The following THSD7B variants were observed in gnomAD, a reference collection of about 807,000 sequenced individuals.
The protein encoded by THSD7B is thrombospondin type 1 domain containing 7B.
Under a neutral mutation model 213.6 loss-of-function variants are expected in THSD7B, and 138 were observed. The observed-to-expected ratio is 0.65, with a 90% CI of 0.56 to 0.74. The LOEUF (loss-of-function observed/expected upper bound fraction) is 0.74, where lower values mean the gene tolerates loss of function less well. Ranked by LOEUF, THSD7B falls within the 30% of genes least tolerant of loss-of-function variation. THSD7B has a pLI of 0.00. For synonymous variants in THSD7B, 742 were observed against 687.0 expected, an observed-to-expected ratio of 1.08 and a Z score of -1.25; for missense variants, 1,931 against 1,991.5, an observed-to-expected ratio of 0.97 and a Z score of 0.58.
intron 17 of THSD7B, among the ~76,000 whole-genome samples, chr2:137,575,742 A>ATATATATATATATATATATATT (rs1235744133): frequency 0.016 from 2,393 of 146,926 alleles, 52 homozygotes; most frequent in South Asian, 0.041. Flanking sequence ...ATATATATAT[A>ATATATATATATATATATATATT]TTTTTACTTT....
chr2:137,022,211 T>C (rs1686457582), intron 2 of THSD7B, among the ~76,000 whole-genome samples: 1 of 152,166 alleles, frequency 6.6e-6, no homozygotes, highest in Non-Finnish European at 1.5e-5. Context: ...TGCCCAAGGG[T>C]GCAATTAGTG....
At chr2:137,379,238 A>G (rs960568346) in intron 12 of THSD7B, among the ~76,000 whole-genome samples, 1 of 152,322 alleles carries the variant, frequency 6.6e-6, no homozygotes, top group East Asian at 1.9e-4. Context: ...TGAGGCAACA[A>G]TAATTGGAGA....
chr2:137,055,561 T>C (rs1687147985), intron 2 of THSD7B, among the ~76,000 whole-genome samples: 1 of 152,152 alleles, frequency 6.6e-6, no homozygotes, highest in African/African-American at 2.4e-5. Flanking sequence ...ATGCAAAAAA[T>C]ATGATAAACG....
chr2:136,778,751 G>A (rs1174192784), intron 1 of THSD7B, among the ~76,000 whole-genome samples: 1 of 152,070 alleles, frequency 6.6e-6, no homozygotes, highest in Admixed American at 6.6e-5. Flanking sequence ...AAGTTCAAGA[G>A]ATAGAAGAGA....
intron 17 of THSD7B, among the ~76,000 whole-genome samples, chr2:137,604,377 T>G (rs1682133413): frequency 6.6e-6 from 1 of 152,204 alleles, no homozygotes; most frequent in Non-Finnish European, 1.5e-5. Context: ...CTTTTAGTAT[T>G]AAACTACTCT....
chr2:137,048,241 CAAT>C (rs1363880708), intron 2 of THSD7B, among the ~76,000 whole-genome samples: 1 of 152,012 alleles, frequency 6.6e-6, no homozygotes, highest in African/African-American at 2.4e-5. Context: ...TACTCAGTTA[CAAT>C]GTTACTGCTA....
chr2:137,669,610 A>G (rs1412940233), intron 27 of THSD7B, among the ~76,000 whole-genome samples: 4 of 152,206 alleles, frequency 2.6e-5, no homozygotes, highest in African/African-American at 9.6e-5. Flanking sequence ...ATTGCAGCAA[A>G]GGACACGAAG....
intron 15 of THSD7B, among the ~76,000 whole-genome samples, chr2:137,534,558 C>T (rs967667086): frequency 7.9e-5 from 12 of 151,566 alleles, no homozygotes; most frequent in Non-Finnish European, 1.5e-4. Context: ...GTATATAATA[C>T]TCAATTCATT....
chr2:136,780,391 C>CTGT, intron 1 of THSD7B, among the ~76,000 whole-genome samples: 1 of 152,312 alleles, frequency 6.6e-6, no homozygotes, highest in East Asian at 1.9e-4. Context: ...ACTCCAAATA[C>CTGT]TGTTACCTTG....
chr2:136,975,333 T>G (rs986908028), intron 2 of THSD7B, among the ~76,000 whole-genome samples: 1 of 152,216 alleles, frequency 6.6e-6, no homozygotes, highest in Admixed American at 6.6e-5. Context: ...GTTTTGGGCT[T>G]TACATTTAAG....
At chr2:136,900,600 C>T (rs907008474) in intron 2 of THSD7B, among the ~76,000 whole-genome samples, 3 of 152,140 alleles carry the variant, frequency 2.0e-5, no homozygotes, top group African/African-American at 7.2e-5. Flanking sequence ...TTTCCTATAC[C>T]TAATGCTTTT....
chr2:137,116,254 C>A (rs1688445856), intron 5 of THSD7B, among the ~76,000 whole-genome samples: 1 of 152,202 alleles, frequency 6.6e-6, no homozygotes, highest in African/African-American at 2.4e-5. Context: ...TTTGCTTCAA[C>A]AACTGGTGCT....
intron 27 of THSD7B, among the ~76,000 whole-genome samples, chr2:137,672,363 C>T (rs1258557503): frequency 1.3e-5 from 2 of 152,134 alleles, no homozygotes; most frequent in African/African-American, 4.8e-5. Flanking sequence ...GTTTGCCTAT[C>T]CCTAGAGTTC....
chr2:137,162,821 G>A (rs977360379), intron 6 of THSD7B, among the ~76,000 whole-genome samples: 9 of 150,902 alleles, frequency 6.0e-5, no homozygotes, highest in Admixed American at 3.3e-4. Flanking sequence ...GTGCAATGGC[G>A]TGATCTTGGC....
chr2:137,290,769 A>C (rs1311421095), intron 12 of THSD7B, among the ~76,000 whole-genome samples: 2 of 152,106 alleles, frequency 1.3e-5, no homozygotes, highest in Non-Finnish European at 2.9e-5. Context: ...CTGAGTTTTC[A>C]ATCTTAATGA....
chr2:137,372,845 C>T (rs868684477), intron 12 of THSD7B, among the ~76,000 whole-genome samples: 1 of 121,884 alleles, frequency 8.2e-6, no homozygotes, highest in African/African-American at 3.0e-5. Context: ...TATCCCTTCC[C>T]CCTCCCCCCA....
chr2:136,907,505 A>G (rs1684185057), intron 2 of THSD7B, among the ~76,000 whole-genome samples: 1 of 152,202 alleles, frequency 6.6e-6, no homozygotes, highest in African/African-American at 2.4e-5. Context: ...GATCACAGGA[A>G]TTTGATAGCC....
chr2:137,342,006 G>GT (rs148392745), intron 12 of THSD7B, among the ~76,000 whole-genome samples: 1 of 150,944 alleles, frequency 6.6e-6, no homozygotes, highest in Non-Finnish European at 1.5e-5. Flanking sequence ...GAATTTTAGG[G>GT]TTTTTTTCTA....
chr2:137,181,459 G>T (rs539182730), intron 7 of THSD7B, among the ~76,000 whole-genome samples: 21 of 152,274 alleles, frequency 1.4e-4, no homozygotes, highest in African/African-American at 4.8e-4. Context: ...TGTTGTTCCA[G>T]AAGGCAAATA....
Sources: allele counts gnomAD v4.1 joint callset (sites outside exome capture counted in the v4.1 genomes callset), GRCh38; gene constraint gnomAD v4.1.1; transcripts MANE v1.5; gene names NCBI Gene and HGNC (gene_info 2026-07-23, HGNC 2026-07-21).